ANKRD31: variants seen among roughly 807,000 people sequenced by gnomAD.
ANKRD31 encodes ankyrin repeat domain 31, also known as ankyrin repeat domain-containing protein 31.
Under a neutral mutation model 186.0 loss-of-function variants are expected in ANKRD31, and 147 were observed. That is an observed-to-expected ratio of 0.79 (90% CI 0.69 to 0.91). ANKRD31 has a LOEUF of 0.91. Ranked by LOEUF, ANKRD31 falls within the 40% of genes least tolerant of loss-of-function variation. The pLI is 0.00. For missense variants in ANKRD31, 1,986 were observed against 2,148.8 expected, an observed-to-expected ratio of 0.92 and a Z score of 1.50; for synonymous variants, 673 against 736.4, an observed-to-expected ratio of 0.91 and a Z score of 1.39.
chr5:75,084,819 T>C (rs1194836424), intron 23 of ANKRD31, among the ~76,000 whole-genome samples: 4 of 152,222 alleles, frequency 2.6e-5, no homozygotes, highest in Non-Finnish European at 4.4e-5. Flanking sequence ...AATGGTACTT[T>C]TCAAGAAATC....
At chr5:75,179,538 G>T (rs1281888021) in intron 10 of ANKRD31, among the ~76,000 whole-genome samples, 1 of 152,150 alleles carries the variant, frequency 6.6e-6, no homozygotes, top group Non-Finnish European at 1.5e-5. Flanking sequence ...TATCCACTAT[G>T]ATCAAGTGGG....
chr5:75,229,111 C>T (rs927292857), intron 2 of ANKRD31, among the ~76,000 whole-genome samples: 1 of 152,098 alleles, frequency 6.6e-6, no homozygotes, highest in African/African-American at 2.4e-5. Context: ...AAACAACCTA[C>T]CATTTAAACA....
intron 21 of ANKRD31, 29 bp downstream of exon 21, chr5:75,107,492 G>T (rs1384004707): frequency 7.2e-7 from 1 of 1,393,304 alleles, no homozygotes; most frequent in Admixed American, 2.4e-5. Context: ...AAACTCAAAA[G>T]CACTCTTTTT....
chr5:75,107,666 C>A, intron 20 of ANKRD31, 49 bp from the exon 21 acceptor site: 1 of 1,152,308 alleles, frequency 8.7e-7, no homozygotes, highest in South Asian at 1.5e-5. Flanking sequence ...GAGTGAATGT[C>A]AAATTTGGTC....
chr5:75,167,929 T>C (rs1753038312), intron 11 of ANKRD31, among the ~76,000 whole-genome samples: 1 of 152,126 alleles, frequency 6.6e-6, no homozygotes, highest in South Asian at 2.1e-4. Context: ...GCGTGAGGTT[T>C]CTCTGCTTCT....
At chr5:75,208,451 T>C (rs969734380) in intron 4 of ANKRD31, among the ~76,000 whole-genome samples, 4 of 152,050 alleles carry the variant, frequency 2.6e-5, no homozygotes, top group Non-Finnish European at 5.9e-5. Context: ...TCTTTTTTTC[T>C]TGAAGCACCT....
In ANKRD31 at chr5:75,145,974, A is replaced by T; in HGVS notation, c.3424+13T>A. The T allele has an allele frequency of 6.9e-7, 1 of 1,440,032 alleles. No individual in the cohort carries two copies. The highest frequency in any genetic ancestry group is 9.1e-7 in the Non-Finnish European group (1 of 1,096,030). 89.2% of individuals were successfully genotyped at this position (1,440,032 alleles called of 1,614,324 possible). A position where few individuals can be genotyped will look rare whatever the true frequency, so the allele number is the denominator to read the frequency against. ...ATAGGAAATATGTACAGATTAAGCA[A>T]TATTACTAATACCTGGTTTGTGAGA... On this transcript the variant is annotated intron_variant, in intron 14 of 25. Coordinates refer to ENST00000506364, the MANE Select transcript of ANKRD31 (RefSeq NM_001372053.1).
intron 17 of ANKRD31, among the ~76,000 whole-genome samples, chr5:75,135,096 A>T (rs1425270427): frequency 6.6e-6 from 1 of 152,222 alleles, no homozygotes; most frequent in Non-Finnish European, 1.5e-5. Flanking sequence ...ATTCCCTTTG[A>T]AAACTGGCAC....
intron 10 of ANKRD31, among the ~76,000 whole-genome samples, chr5:75,174,715 A>G (rs1753636210): frequency 2.6e-5 from 4 of 152,260 alleles, no homozygotes; most frequent in Admixed American, 1.3e-4. Context: ...CGATCATTAA[A>G]AAGTCAGGAA....
intron 22 of ANKRD31, among the ~76,000 whole-genome samples, chr5:75,099,231 A>G (rs1488395714): frequency 2.6e-5 from 4 of 152,172 alleles, no homozygotes; most frequent in Admixed American, 6.5e-5. Context: ...GATGGATTAC[A>G]TTTATTGATT....
intron 10 of ANKRD31, among the ~76,000 whole-genome samples, chr5:75,177,407 G>C (rs1263816274): frequency 1.3e-5 from 2 of 152,092 alleles, no homozygotes; most frequent in East Asian, 3.9e-4. Flanking sequence ...TCCTCGAGAA[G>C]AGCAACTCCA....
At chr5:75,140,335 A>AAGGAAGGT (rs1554079045) in intron 15 of ANKRD31, among the ~76,000 whole-genome samples, 9 of 138,432 alleles carry the variant, frequency 6.5e-5, no homozygotes, top group Admixed American at 1.4e-4. Context: ...GGAAGGTAGG[A>AAGGAAGGT]AGGAAGGAAG....
chr5:75,102,375 G>T (rs1746970293), intron 22 of ANKRD31, among the ~76,000 whole-genome samples: 1 of 152,182 alleles, frequency 6.6e-6, no homozygotes, highest in African/African-American at 2.4e-5. Flanking sequence ...GCTACTCAGG[G>T]GTCAGGGACC....
intron 1 of ANKRD31, among the ~76,000 whole-genome samples, chr5:75,231,673 AT>A (rs1757959243): frequency 6.6e-6 from 1 of 152,214 alleles, no homozygotes; most frequent in Non-Finnish European, 1.5e-5. Flanking sequence ...ATCACTAATC[AT>A]AGGGGAAATG....
chr5:75,075,347 C>G lies in ANKRD31; in HGVS notation c.5647+5221G>C, dbSNP rs144930536. Among the ~76,000 whole-genome samples, 731 of 152,290 alleles carry G rather than the reference C, an allele frequency of 4.8e-3. 5 individuals are homozygous for G. Among genetic ancestry groups the G allele is most frequent in the African/African-American group, 0.016 (670 of 41,572 alleles). ...TTCCTGCCCAGGTAACCAATGATAA[C>G]AATCCAGAGTTTATCTTATCCTTCT... On this transcript the variant is annotated intron_variant, in intron 25 of 25. Coordinates refer to ENST00000506364, the MANE Select transcript of ANKRD31 (RefSeq NM_001372053.1).
intron 19 of ANKRD31, among the ~76,000 whole-genome samples, chr5:75,114,891 G>T (rs1422261588): frequency 6.6e-6 from 1 of 152,030 alleles, no homozygotes; most frequent in Non-Finnish European, 1.5e-5. Flanking sequence ...TTTCTTCACA[G>T]AATTGGAAAA....
In ANKRD31 at chr5:75,104,980, G is replaced by A. The variant is rs1003788379; in HGVS notation, c.4579C>T (p.Pro1527Ser). ...ELTSLENLEH[P>S]QSGSLSPVSG... ...ACAGGAGAAAGTGAACCTGATTGGGGATGCTCTAAATTTTCCAGACTAGTG... is the reference window on the plus strand; with the variant it reads ...ACAGGAGAAAGTGAACCTGATTGGGAATGCTCTAAATTTTCCAGACTAGTG... The change falls in exon 22 of 26, where the codon CCC becomes TCC. Residue 1527 changes from proline to serine, a missense_variant. By Grantham distance (74) the Pro-to-Ser change is moderately conservative. Coordinates refer to ENST00000506364, the MANE Select transcript of ANKRD31 (RefSeq NM_001372053.1). 3 of 1,536,890 alleles carry A rather than the reference G, an allele frequency of 2.0e-6. No individual in the cohort carries two copies. In the African/African-American group the frequency reaches 4.1e-5, roughly 21 times the overall value.
intron 12 of ANKRD31, among the ~76,000 whole-genome samples, chr5:75,150,677 G>T (rs768985284): frequency 6.6e-6 from 1 of 151,950 alleles, no homozygotes; most frequent in South Asian, 2.1e-4. Flanking sequence ...GGGCACTGGT[G>T]AAGAGGGTAT....
Position 75,118,251 on chromosome 5 carries a change from T to G in ANKRD31, c.3923A>C (p.Asp1308Ala). 6.6e-7 allele frequency: 1 copy of G among 1,519,740 alleles called. No individual in the cohort carries two copies. Among genetic ancestry groups the G allele is most frequent in the Middle Eastern group, 1.7e-4 (1 of 5,890 alleles). 94.1% of individuals were successfully genotyped at this position (1,519,740 alleles called of 1,614,324 possible). A position where few individuals can be genotyped will look rare whatever the true frequency, so the allele number is the denominator to read the frequency against. The change falls in exon 18 of 26, where the codon GAT becomes GCT. Residue 1308 changes from aspartate to alanine, a missense_variant. Physicochemically the swap from Asp to Ala is moderately radical, Grantham distance 126 (BLOSUM62 -2). Coordinates refer to ENST00000506364, the MANE Select transcript of ANKRD31 (RefSeq NM_001372053.1). ...LQNGANPNQK[D>A]QKQKSALDEA... ...ATCCAAAGCACTCTTCTGTTTTTGA[T>G]CTTTTTGATTAGGGTTTGCTCCATT... is the stretch of plus-strand genomic sequence containing the variant.
Sources: allele counts gnomAD v4.1 joint callset (sites outside exome capture counted in the v4.1 genomes callset), GRCh38; gene constraint gnomAD v4.1.1; transcripts MANE v1.5; gene names NCBI Gene and HGNC (gene_info 2026-07-23, HGNC 2026-07-21).